Variants in TMEM116 observed in about 807,000 individuals in gnomAD.
TMEM116 encodes the protein transmembrane protein 116.
Under a neutral mutation model 44.3 loss-of-function variants are expected in TMEM116, and 38 were observed. The observed-to-expected ratio is 0.86, with a 90% CI of 0.66 to 1.12. The LOEUF is 1.12. TMEM116 is among the 50% of genes most tolerant of loss of function. TMEM116 has a pLI of 0.00. For missense variants in TMEM116, 354 were observed against 401.7 expected, an observed-to-expected ratio of 0.88 and a Z score of 1.01; for synonymous variants, 132 against 144.8, an observed-to-expected ratio of 0.91 and a Z score of 0.64.
chr12:111,991,251 G>T (rs543512534), intron 4 of TMEM116, among the ~76,000 whole-genome samples: 1 of 149,812 alleles, frequency 6.7e-6, no homozygotes, highest in Non-Finnish European at 1.5e-5. Flanking sequence ...GGCTGGGTGC[G>T]GTGGCTCATG....
intron 4 of TMEM116, among the ~76,000 whole-genome samples, chr12:111,954,510 C>A (rs2073951890): frequency 6.6e-6 from 1 of 152,186 alleles, no homozygotes; most frequent in African/African-American, 2.4e-5. Context: ...CTAATTTCTT[C>A]TTCACAACAA....
At position 111,950,145 on chromosome 12, in the gene TMEM116, A is replaced by AC. The variant is rs201731814; in HGVS notation, c.211-6777_211-6776insG. 1.0e-3 allele frequency among the ~76,000 whole-genome samples: 159 copies of AC among 152,052 alleles called. 2 individuals carry two copies. In the Middle Eastern group the frequency reaches 0.014, roughly 13 times the overall value. ...ACAAAACAAAACAAAACAAAACAAAAAAAACAACCAAAAAAACCTTAAACT... is the reference window on the plus strand; with the variant it reads ...ACAAAACAAAACAAAACAAAACAAAACAAAACAACCAAAAAAACCTTAAACT... On this transcript the variant is annotated intron_variant, in intron 4 of 10. Coordinates refer to ENST00000552374, the MANE Select transcript of TMEM116 (RefSeq NM_001193531.2).
chr12:111,952,257 C>T (rs1358669222), intron 4 of TMEM116, among the ~76,000 whole-genome samples: 1 of 152,020 alleles, frequency 6.6e-6, no homozygotes, highest in African/African-American at 2.4e-5. Flanking sequence ...AAAACACACA[C>T]ACAACTGACT....
intron 3 of TMEM116, among the ~76,000 whole-genome samples, chr12:111,994,883 C>A (rs917991831): frequency 3.9e-5 from 6 of 152,104 alleles, no homozygotes; most frequent in African/African-American, 1.2e-4. Flanking sequence ...GCGTTTATAA[C>A]CCTATCTTAT....
At chr12:111,966,690 C>A (rs979885800) in intron 4 of TMEM116, among the ~76,000 whole-genome samples, 11 of 152,186 alleles carry the variant, frequency 7.2e-5, no homozygotes, top group African/African-American at 2.7e-4. Context: ...CTTACTATTT[C>A]TCTTCTGATG....
At chr12:111,989,656 T>C (rs1261525312) in intron 4 of TMEM116, among the ~76,000 whole-genome samples, 1 of 152,082 alleles carries the variant, frequency 6.6e-6, no homozygotes, top group Non-Finnish European at 1.5e-5. Context: ...TTACCTGACA[T>C]ACAAAGAACA....
chr12:111,964,198 T>C (rs113676434), intron 4 of TMEM116, among the ~76,000 whole-genome samples: 1 of 151,166 alleles, frequency 6.6e-6, no homozygotes, highest in African/African-American at 2.4e-5. Context: ...CCCAGCACTT[T>C]GGGAGGCTGA....
intron 4 of TMEM116, among the ~76,000 whole-genome samples, chr12:111,979,311 G>A (rs2075829758): frequency 6.6e-6 from 1 of 151,828 alleles, no homozygotes; most frequent in African/African-American, 2.4e-5. Context: ...TTTATACAAG[G>A]GAATGAAGTA....
At chr12:111,989,878 G>GA (rs1324167357) in intron 4 of TMEM116, among the ~76,000 whole-genome samples, 1 of 152,090 alleles carries the variant, frequency 6.6e-6, no homozygotes, top group Non-Finnish European at 1.5e-5. Context: ...TTTCACAGGG[G>GA]AATACATATG....
chr12:111,950,551 C>T (rs893381301), intron 4 of TMEM116, among the ~76,000 whole-genome samples: 20 of 151,592 alleles, frequency 1.3e-4, no homozygotes, highest in African/African-American at 4.4e-4. Context: ...ATCTGATCTT[C>T]GACGAAGCTG....
intron 8 of TMEM116, 133 bp from the exon 9 acceptor site, chr12:111,934,163 C>G: frequency 2.7e-6 from 3 of 1,092,530 alleles, no homozygotes; most frequent in Non-Finnish European, 3.8e-6. Context: ...CTTGTCTTTA[C>G]TTTCTGAGAT....
intron 4 of TMEM116, among the ~76,000 whole-genome samples, chr12:111,951,146 C>T (rs914691400): frequency 6.6e-6 from 1 of 152,196 alleles, no homozygotes; most frequent in Admixed American, 6.5e-5. Context: ...TCACACCAGT[C>T]AGAATGGTGT....
At chr12:111,946,242 C>T (rs1424942958) in intron 4 of TMEM116, among the ~76,000 whole-genome samples, 1 of 152,168 alleles carries the variant, frequency 6.6e-6, no homozygotes, top group Non-Finnish European at 1.5e-5. Context: ...GACCCTAACC[C>T]AGTGGTGCTA....
chr12:111,970,618 G>A (rs540867437), intron 4 of TMEM116, among the ~76,000 whole-genome samples: 29 of 140,426 alleles, frequency 2.1e-4, no homozygotes, highest in Non-Finnish European at 3.6e-4. Context: ...ACGGAGTCTC[G>A]CTCTGTCACC....
intron 9 of TMEM116, among the ~76,000 whole-genome samples, chr12:111,933,341 C>T (rs1439991005): frequency 6.6e-6 from 1 of 152,040 alleles, no homozygotes; most frequent in African/African-American, 2.4e-5. Context: ...ATGTTTTCTC[C>T]TCTTATATCA....
At chr12:111,998,967 TTCAA>T (rs1565963000) in intron 3 of TMEM116, among the ~76,000 whole-genome samples, 1 of 152,104 alleles carries the variant, frequency 6.6e-6, no homozygotes. Flanking sequence ...GGAGATAAAG[TTCAA>T]TCAATTATAC....
chr12:111,945,672 A>G (rs2073215074), intron 4 of TMEM116, among the ~76,000 whole-genome samples: 1 of 152,210 alleles, frequency 6.6e-6, no homozygotes, highest in Non-Finnish European at 1.5e-5. Context: ...ACTCCCAGAG[A>G]CACAAATATT....
At chr12:112,001,676 C>T (rs1459419901) in intron 3 of TMEM116, among the ~76,000 whole-genome samples, 1 of 152,144 alleles carries the variant, frequency 6.6e-6, no homozygotes, top group African/African-American at 2.4e-5. Context: ...GTGTGTAAGT[C>T]ATACTTTATT....
At chr12:111,961,677 A>G (rs1166771637) in intron 4 of TMEM116, among the ~76,000 whole-genome samples, 1 of 152,226 alleles carries the variant, frequency 6.6e-6, no homozygotes, top group African/African-American at 2.4e-5. Context: ...TCTCAAAATA[A>G]TAAGAGCTAT....
Sources: gnomAD v4.1 joint callset for allele counts (sites outside exome capture counted in the v4.1 genomes callset) on GRCh38, gnomAD v4.1.1 for gene constraint, MANE v1.5 for transcripts, NCBI Gene and HGNC (gene_info 2026-07-23, HGNC 2026-07-21) for gene names.